The following AS3MT variants were observed in gnomAD, a reference collection of about 807,000 sequenced individuals.
The protein encoded by AS3MT is S-adenosyl-L-methionine:arsenic(III) methyltransferase.
Under a neutral mutation model 45.3 loss-of-function variants are expected in AS3MT, and 47 were observed. The observed-to-expected ratio is 1.04, with a 90% confidence interval of 0.82 to 1.32. The LOEUF (loss-of-function observed/expected upper bound fraction) is 1.32. AS3MT is among the 40% of genes most tolerant of loss of function. AS3MT has a pLI of 0.00. For synonymous variants in AS3MT, 141 were observed against 152.8 expected, an observed-to-expected ratio of 0.92 and a Z score of 0.57; for missense variants, 396 against 451.1, an observed-to-expected ratio of 0.88 and a Z score of 1.11.
chr10:102,880,421 T>G (rs1378550472), intron 9 of AS3MT, among the ~76,000 whole-genome samples: 3 of 152,194 alleles, frequency 2.0e-5, no homozygotes, highest in Non-Finnish European at 4.4e-5. Flanking sequence ...GCACCAAAAC[T>G]TTCCCTTTCC....
In AS3MT at chr10:102,887,341, T is replaced by A. The variant is rs532024303; in HGVS notation, c.886-3203T>A. ...GCTCTGTGAATGTCAGCTAGGCCTA[T>A]TTGAGCTAGTATATAGTTTAATGTT... On this transcript the variant is annotated intron_variant, in intron 9 of 10. Transcript: ENST00000369880. Among the ~76,000 whole-genome samples the A allele has an allele frequency of 3.9e-5, 6 of 152,348 alleles. No homozygotes were observed. In the South Asian group the frequency reaches 1.2e-3, roughly 32 times the overall value.
intron 6 of AS3MT, among the ~76,000 whole-genome samples, chr10:102,876,016 A>T (rs2095327990): frequency 6.6e-6 from 1 of 152,112 alleles, no homozygotes; most frequent in Admixed American, 6.5e-5. Flanking sequence ...TGATTTAATG[A>T]TTTAGTGATG....
At chr10:102,874,770 A>G (rs1285940259) in intron 6 of AS3MT, 109 bp downstream of exon 6, 16 of 832,326 alleles carry the variant, frequency 1.9e-5, no homozygotes, top group Admixed American at 1.3e-4. Flanking sequence ...TAATTTATCC[A>G]TTAAATGAAT....
Position 102,878,471 on chromosome 10 carries a change from C to G in AS3MT, c.703C>G (p.Leu235Val). ...CCCTCCACGTTTGGTCACTGCCAAT[C>G]TCATTACAATTCAAAACAAGGAACT... ...FCPPRLVTAN[L>V]ITIQNKELER... Residue 235 changes from leucine to valine, a missense_variant, in exon 8 of 11, where the codon CTC becomes GTC. By Grantham distance (32) the Leu-to-Val change is conservative (BLOSUM62 1). Transcript: ENST00000369880. 6.2e-7 allele frequency: 1 copy of G among 1,613,982 alleles called. No homozygotes were observed.
rs571058756 is a variant in AS3MT, at chr10:102,895,806, G to A, written c.1021-4787G>A. On this transcript the variant is annotated intron_variant, in intron 10 of 10. Transcript: ENST00000369880. ...TTTTTTTTTTTTGAGACAGAGCTTCGCTCTTGTTGCCCAGGCTAGAGTGCA... is the reference window on the plus strand; with the variant it reads ...TTTTTTTTTTTTGAGACAGAGCTTCACTCTTGTTGCCCAGGCTAGAGTGCA... 1.9e-4 allele frequency among the ~76,000 whole-genome samples: 28 copies of A among 148,864 alleles called. 1 individual carries two copies. The highest frequency in any genetic ancestry group is 6.4e-4 in the African/African-American group (26 of 40,404).
intron 3 of AS3MT, 148 bp downstream of exon 3, chr10:102,870,359 C>G: frequency 9.4e-6 from 10 of 1,064,366 alleles, no homozygotes; most frequent in Non-Finnish European, 1.3e-5. Flanking sequence ...CAGCACCCAT[C>G]ATCTTACTGC....
chr10:102,869,856 T>C lies in AS3MT; in HGVS notation c.42+11T>C, dbSNP rs1844647177. 2 of 1,613,692 alleles carry C rather than the reference T, an allele frequency of 1.2e-6. No individual in the cohort carries two copies. Among genetic ancestry groups the C allele is most frequent in the African/African-American group, 1.3e-5 (1 of 74,944 alleles). On this transcript the variant is annotated intron_variant, in intron 2 of 10. Transcript: ENST00000369880. Reference sequence around the variant, plus strand: ...CAGAAGGACGTGCAGGTGAGAGCTGTAGGGCCTGGAATGGCCCAAGTGGAG... The same window carrying C: ...CAGAAGGACGTGCAGGTGAGAGCTGCAGGGCCTGGAATGGCCCAAGTGGAG...
At chr10:102,891,549 A>G (rs1340334740) in intron 10 of AS3MT, among the ~76,000 whole-genome samples, 1 of 152,240 alleles carries the variant, frequency 6.6e-6, no homozygotes, top group Non-Finnish European at 1.5e-5. Context: ...AAAAGAGCCT[A>G]TCTGGCCAAA....
rs367975312 is a variant in AS3MT at position 102,898,135 on chromosome 10, G to A, written c.1021-2458G>A. Reference sequence around the variant, plus strand: ...TTATCTTTTTTTTTTTTTTCTTAACGGAAGACCTTTATGATAAACGCTGGA... The same window carrying A: ...TTATCTTTTTTTTTTTTTTCTTAACAGAAGACCTTTATGATAAACGCTGGA... On this transcript the variant is annotated intron_variant, in intron 10 of 10. Transcript: ENST00000369880. Among the ~76,000 whole-genome samples the A allele has an allele frequency of 2.4e-4, 36 of 150,428 alleles. 1 individual carries two copies. In the East Asian group the frequency reaches 6.2e-3, roughly 26 times the overall value.
intron 10 of AS3MT, among the ~76,000 whole-genome samples, chr10:102,900,076 G>A (rs562632537): frequency 2.6e-5 from 4 of 152,162 alleles, no homozygotes; most frequent in Non-Finnish European, 4.4e-5. Context: ...AAATACAGCA[G>A]TCTTGTCTTT....
chr10:102,885,092 C>T (rs1187265192), intron 9 of AS3MT, among the ~76,000 whole-genome samples: 1 of 152,066 alleles, frequency 6.6e-6, no homozygotes, highest in Non-Finnish European at 1.5e-5. Context: ...CTTATTTCTT[C>T]TTATTAAACT....
At chr10:102,888,468 C>G (rs1844993856) in intron 9 of AS3MT, among the ~76,000 whole-genome samples, 1 of 151,748 alleles carries the variant, frequency 6.6e-6, no homozygotes, top group Admixed American at 6.6e-5. Flanking sequence ...TTTGCCCAGG[C>G]TGGAGTGCAA....
chr10:102,892,671 A>G (rs1327734330), intron 10 of AS3MT, among the ~76,000 whole-genome samples: 1 of 152,064 alleles, frequency 6.6e-6, no homozygotes, highest in Non-Finnish European at 1.5e-5. Flanking sequence ...GATAACATAT[A>G]TATTTTTTAA....
At position 102,874,581 on chromosome 10, in the gene AS3MT, T is replaced by C; in HGVS notation, c.459-11T>C. The stretch of plus-strand genomic sequence containing the variant: ...GAAGATTTGCTCGACATTTCATCTG[T>C]TCTCTTTTAGATCAAACTGTGTTAT... On this transcript the variant is annotated splice_polypyrimidine_tract_variant and intron_variant, in intron 5 of 10. Coordinates refer to ENST00000369880, the MANE Select transcript of AS3MT (RefSeq NM_020682.4). The C allele has an allele frequency of 6.3e-7, 1 of 1,583,936 alleles. No individual in the cohort carries two copies.
chr10:102,872,668 T>C, intron 4 of AS3MT, 70 bp downstream of exon 4: 1 of 1,476,636 alleles, frequency 6.8e-7, no homozygotes, highest in Non-Finnish European at 9.1e-7. Context: ...AAAGTTGTTT[T>C]CTTCGTGGCT....
At chr10:102,869,646 C>T (rs1844640896) in intron 1 of AS3MT, 53 bp downstream of exon 1, 1 of 1,580,390 alleles carries the variant, frequency 6.3e-7, no homozygotes, top group Non-Finnish European at 8.6e-7. Flanking sequence ...TTCCCTGGGC[C>T]CCCGCAAGGC....
intron 6 of AS3MT, among the ~76,000 whole-genome samples, chr10:102,875,981 T>C (rs1229431254): frequency 6.6e-6 from 1 of 150,860 alleles, no homozygotes; most frequent in Non-Finnish European, 1.5e-5. Context: ...GTCATAGAAC[T>C]CAAATACAAA....
In AS3MT at chr10:102,876,965, G is replaced by A; in HGVS notation, c.540G>A (p.Glu180=). The part of the protein sequence containing the change: ...EAYRVLKHGG[E]LYFSDVYTSL... Reference sequence around the variant, plus strand: ...TGCCTCTGTTTCAGCATGGTGGGGAGTTATATTTCAGTGACGTCTATACGA... The same window carrying A: ...TGCCTCTGTTTCAGCATGGTGGGGAATTATATTTCAGTGACGTCTATACGA... Residue 180 remains glutamate, a synonymous_variant, in exon 7 of 11, where the codon GAG becomes GAA. Coordinates refer to ENST00000369880, the MANE Select transcript of AS3MT (RefSeq NM_020682.4). 1 of 1,614,136 alleles carries A rather than the reference G, an allele frequency of 6.2e-7. No individual in the cohort carries two copies. Among genetic ancestry groups the A allele is most frequent in the South Asian group, 1.1e-5 (1 of 91,084 alleles).
intron 5 of AS3MT, 112 bp downstream of exon 5, chr10:102,873,345 A>G (rs1844726726): frequency 3.7e-6 from 3 of 819,888 alleles, no homozygotes; most frequent in South Asian, 4.7e-5. Flanking sequence ...CAGTGGCCCA[A>G]TGTCAGCTCA....
Sources: allele counts gnomAD v4.1 joint callset (sites outside exome capture counted in the v4.1 genomes callset), GRCh38; gene constraint gnomAD v4.1.1; transcripts MANE v1.5; gene names NCBI Gene and HGNC (gene_info 2026-07-23, HGNC 2026-07-21).